SPAG17: variants seen among roughly 807,000 people sequenced by gnomAD.
The protein encoded by SPAG17 is sperm associated antigen 17.
SPAG17 carries 169 observed loss-of-function variants against 273.6 expected under a neutral mutation model. The ratio of observed to expected loss-of-function variants is 0.62; its 90% CI spans 0.55 to 0.70. The LOEUF (loss-of-function observed/expected upper bound fraction) is 0.70. Among genes scored for constraint, SPAG17 ranks in the 30% least tolerant of loss-of-function variants. The pLI, the probability that SPAG17 is intolerant of heterozygous loss-of-function variation, is 0.00. For synonymous variants in SPAG17, 825 were observed against 873.2 expected, an observed-to-expected ratio of 0.94 and a Z score of 0.97; for missense variants, 2,557 against 2,627.8, an observed-to-expected ratio of 0.97 and a Z score of 0.59.
At chr1:118,115,200 G>T in intron 4 of SPAG17, 110 bp downstream of exon 4, 1 of 1,306,338 alleles carries the variant, frequency 7.7e-7, no homozygotes. Flanking sequence ...AAATTTGCCA[G>T]GTAACACTTA....
intron 1 of SPAG17, among the ~76,000 whole-genome samples, chr1:118,172,600 T>G (rs1660468681): frequency 6.6e-6 from 1 of 152,142 alleles, no homozygotes; most frequent in Non-Finnish European, 1.5e-5. Context: ...TTGACAAAAC[T>G]CCAATCTAAA....
intron 23 of SPAG17, among the ~76,000 whole-genome samples, chr1:118,038,344 A>G (rs578058621): frequency 8.2e-4 from 125 of 152,310 alleles, no homozygotes; most frequent in African/African-American, 2.9e-3. Context: ...GGTACAGCCA[A>G]TTTGGAAGAC....
chr1:118,017,768 T>C (rs1660118000), intron 28 of SPAG17, among the ~76,000 whole-genome samples: 1 of 152,154 alleles, frequency 6.6e-6, no homozygotes, highest in Non-Finnish European at 1.5e-5. Flanking sequence ...AGGATGAGGA[T>C]GGCAGTGAAA....
At chr1:117,981,775 A>C (rs1655846717) in intron 42 of SPAG17, among the ~76,000 whole-genome samples, 1 of 152,202 alleles carries the variant, frequency 6.6e-6, no homozygotes, top group African/African-American at 2.4e-5. Flanking sequence ...TTTTTTCAGA[A>C]ATTTCCAAAC....
chr1:118,114,035 A>C (rs1403785809), intron 4 of SPAG17, among the ~76,000 whole-genome samples: 1 of 152,114 alleles, frequency 6.6e-6, no homozygotes, highest in Non-Finnish European at 1.5e-5. Flanking sequence ...AGCAAACAGA[A>C]AGTGCAGAAA....
intron 3 of SPAG17, among the ~76,000 whole-genome samples, chr1:118,120,601 G>C (rs1424553305): frequency 6.6e-6 from 1 of 152,154 alleles, no homozygotes; most frequent in Non-Finnish European, 1.5e-5. Flanking sequence ...TAAAGGTGAG[G>C]AGTAAGGAAA....
Position 118,081,158 on chromosome 1 carries a change from T to C in SPAG17, c.2152A>G (p.Arg718Gly). Residue 718 changes from arginine (R) to glycine (G), a missense_variant, in exon 15 of 49, where the codon AGA becomes GGA. Arg to Gly is a moderately radical substitution (Grantham distance 125). Transcript: ENST00000336338. ...NNLKLSVPDN[R>G]QLLEQESIMK... ...ATGCTCTCCTGCTCTAACAGCTGTCTATTATCAGGGACTGAGAGTTTGAGA... is the reference window on the plus strand; with the variant it reads ...ATGCTCTCCTGCTCTAACAGCTGTCCATTATCAGGGACTGAGAGTTTGAGA... The C allele has an allele frequency of 6.2e-7, 1 of 1,614,072 alleles. No individual in the cohort carries two copies. Among genetic ancestry groups the C allele is most frequent in the Non-Finnish European group, 8.5e-7 (1 of 1,179,992 alleles).
chr1:118,016,306 G>A, intron 28 of SPAG17, 124 bp from the exon 29 acceptor site: 3 of 700,912 alleles, frequency 4.3e-6, no homozygotes, highest in South Asian at 2.0e-5. Context: ...AATTCTAAGT[G>A]GTATTCATCA....
At chr1:118,137,875 T>C (rs1658450986) in intron 3 of SPAG17, among the ~76,000 whole-genome samples, 1 of 152,218 alleles carries the variant, frequency 6.6e-6, no homozygotes, top group Non-Finnish European at 1.5e-5. Flanking sequence ...TTCTTCTTCC[T>C]TTTCTTGCAG....
chr1:118,042,109 C>A (rs2101933259), intron 20 of SPAG17, 67 bp from the exon 21 acceptor site: 1 of 1,534,978 alleles, frequency 6.5e-7, no homozygotes, highest in South Asian at 1.2e-5. Flanking sequence ...CATTCAGGTT[C>A]ATTTTGAAGA....
intron 4 of SPAG17, among the ~76,000 whole-genome samples, chr1:118,110,349 C>G (rs1006313833): frequency 6.6e-6 from 1 of 151,598 alleles, no homozygotes; most frequent in African/African-American, 2.4e-5. Flanking sequence ...GAAGCAAATC[C>G]CAGAAAAAAA....
intron 24 of SPAG17, among the ~76,000 whole-genome samples, chr1:118,033,307 C>G (rs758168196): frequency 6.6e-6 from 1 of 152,176 alleles, no homozygotes; most frequent in Non-Finnish European, 1.5e-5. Context: ...GCAGATTAAG[C>G]CTCCTACATT....
At chr1:117,995,312 A>C (rs2101670875) in intron 34 of SPAG17, among the ~76,000 whole-genome samples, 1 of 152,170 alleles carries the variant, frequency 6.6e-6, no homozygotes, top group East Asian at 1.9e-4. Context: ...ATAATCATAC[A>C]GTTGTGTGAC....
chr1:117,968,620 G>A (rs558370375), intron 46 of SPAG17, among the ~76,000 whole-genome samples: 5 of 152,328 alleles, frequency 3.3e-5, no homozygotes, highest in African/African-American at 1.2e-4. Flanking sequence ...CTTTACAGAT[G>A]AGGAAAACAA....
chr1:118,051,242 T>C (rs1346672998), intron 20 of SPAG17, among the ~76,000 whole-genome samples: 3 of 151,840 alleles, frequency 2.0e-5, no homozygotes, highest in Non-Finnish European at 4.4e-5. Context: ...GACAAGATAA[T>C]AAATGTTGGG....
At chr1:118,003,318 G>A (rs1460819120) in intron 32 of SPAG17, among the ~76,000 whole-genome samples, 5 of 152,166 alleles carry the variant, frequency 3.3e-5, no homozygotes, top group East Asian at 1.9e-4. Flanking sequence ...TGCTCTTCTC[G>A]AGGAGTATCT....
At chr1:117,956,689 G>A (rs1652247908) in intron 48 of SPAG17, among the ~76,000 whole-genome samples, 1 of 152,130 alleles carries the variant, frequency 6.6e-6, no homozygotes, top group Non-Finnish European at 1.5e-5. Context: ...TTAAAATAGT[G>A]TAGCATTGGT....
At chr1:118,174,468 C>T (rs918925648) in intron 1 of SPAG17, among the ~76,000 whole-genome samples, 3 of 151,936 alleles carry the variant, frequency 2.0e-5, no homozygotes, top group African/African-American at 7.3e-5. Flanking sequence ...GTATATAGAG[C>T]AAAAGAGACT....
rs753486090 is a variant in SPAG17 at position 118,036,773 on chromosome 1, G to A, written c.3430C>T (p.Pro1144Ser). The A allele has an allele frequency of 2.2e-5, 34 of 1,549,794 alleles. No individual in the cohort carries two copies. Among genetic ancestry groups the A allele is most frequent in the Non-Finnish European group, 2.9e-5 (33 of 1,144,906 alleles). ...ISYYGSNGMAPEDKDPDLETI... is the reference protein window; with the variant it reads ...ISYYGSNGMASEDKDPDLETI... Reference sequence around the variant, plus strand: ...CTTGCTGTTGTGTTCATTTCACCTGGTGCCATTCCATTTGATCCATAGTAA... The same window carrying A: ...CTTGCTGTTGTGTTCATTTCACCTGATGCCATTCCATTTGATCCATAGTAA... Residue 1144 changes from proline (P) to serine (S), a missense_variant, in exon 24 of 49, where the codon CCA (proline) becomes TCA (serine). By Grantham distance (74) the Pro-to-Ser change is moderately conservative (BLOSUM62 -1). Transcript: ENST00000336338.
Sources: gnomAD v4.1 joint callset for allele counts (sites outside exome capture counted in the v4.1 genomes callset) on GRCh38, gnomAD v4.1.1 for gene constraint, MANE v1.5 for transcripts, NCBI Gene and HGNC (gene_info 2026-07-23, HGNC 2026-07-21) for gene names.